Variants in EPHA6 observed in about 807,000 individuals in gnomAD.
The protein encoded by EPHA6 is ephrin type-A receptor 6.
Under a neutral mutation model 112.0 loss-of-function variants are expected in EPHA6, and 50 were observed. The ratio of observed to expected loss-of-function variants is 0.45; its 90% confidence interval spans 0.36 to 0.56. The LOEUF (loss-of-function observed/expected upper bound fraction) is 0.56, where lower values mean the gene tolerates loss of function less well. Ranked by LOEUF, EPHA6 falls within the 20% of genes least tolerant of loss-of-function variation. The pLI, the probability that EPHA6 is intolerant of heterozygous loss-of-function variation, is 0.00. For synonymous variants in EPHA6, 529 were observed against 490.7 expected, an observed-to-expected ratio of 1.08 and a Z score of -1.03; for missense variants, 1,280 against 1,417.4, an observed-to-expected ratio of 0.90 and a Z score of 1.56.
At chr3:97,397,454 A>G (rs1577235031) in intron 5 of EPHA6, among the ~76,000 whole-genome samples, 1 of 151,680 alleles carries the variant, frequency 6.6e-6, no homozygotes, top group African/African-American at 2.4e-5. Context: ...GCTTTCATAT[A>G]TGGAAGCCTC....
intron 2 of EPHA6, among the ~76,000 whole-genome samples, chr3:96,887,143 G>T (rs899890539): frequency 1.3e-5 from 2 of 151,974 alleles, no homozygotes; most frequent in African/African-American, 2.4e-5. Context: ...GATTTGGTTG[G>T]GGGGGCGAGG....
intron 15 of EPHA6, among the ~76,000 whole-genome samples, chr3:97,722,370 G>T (rs189039060): frequency 2.0e-5 from 3 of 152,330 alleles, no homozygotes; most frequent in African/African-American, 7.2e-5. Context: ...GGACTGTAAA[G>T]ATTATCTAGG....
At chr3:97,044,975 A>T (rs2045452107) in intron 3 of EPHA6, among the ~76,000 whole-genome samples, 6 of 152,098 alleles carry the variant, frequency 3.9e-5, no homozygotes, top group Admixed American at 3.9e-4. Context: ...CATATGGATA[A>T]ATTAGTAGAA....
At position 96,814,600 on chromosome 3, in the gene EPHA6, C is replaced by T. The variant is rs2032594719; in HGVS notation, c.-24C>T. The T allele has an allele frequency of 1.5e-6, 2 of 1,376,880 alleles. No homozygotes were observed. The highest frequency in any genetic ancestry group is 1.9e-6 in the Non-Finnish European group (2 of 1,062,610). 85.3% of individuals were successfully genotyped at this position (1,376,880 alleles called of 1,614,324 possible). On this transcript the variant is annotated 5_prime_UTR_variant, in exon 1 of 18. Coordinates refer to ENST00000389672, the MANE Select transcript of EPHA6 (RefSeq NM_001080448.3). The stretch of plus-strand genomic sequence containing the variant: ...CTCTCCGGCCCAAGTGAATAGTCCT[C>T]GCGCAAGCGGGACACTGTGGTGGAT...
chr3:97,265,141 A>C (rs1181375716), intron 5 of EPHA6, among the ~76,000 whole-genome samples: 1 of 152,108 alleles, frequency 6.6e-6, no homozygotes, highest in Non-Finnish European at 1.5e-5. Flanking sequence ...GAGGGAAGGA[A>C]GTGGGCACCA....
chr3:97,566,351 G>A (rs1013837594), intron 11 of EPHA6, among the ~76,000 whole-genome samples: 4 of 152,286 alleles, frequency 2.6e-5, no homozygotes, highest in South Asian at 2.1e-4. Flanking sequence ...ATTTTGGCAT[G>A]AGATTTGGAG....
At chr3:96,916,160 G>A (rs1342246614) in intron 2 of EPHA6, among the ~76,000 whole-genome samples, 2 of 152,036 alleles carry the variant, frequency 1.3e-5, no homozygotes, top group South Asian at 2.1e-4. Context: ...AGAATGTTGT[G>A]GAAATATTTG....
chr3:96,970,230 C>T (rs923997876), intron 2 of EPHA6, among the ~76,000 whole-genome samples: 4 of 149,232 alleles, frequency 2.7e-5, no homozygotes, highest in African/African-American at 1.0e-4. Flanking sequence ...CTCTTCTCTG[C>T]CTCTTCATAC....
At chr3:97,267,610 G>A (rs1440082282) in intron 5 of EPHA6, among the ~76,000 whole-genome samples, 1 of 152,014 alleles carries the variant, frequency 6.6e-6, no homozygotes, top group African/African-American at 2.4e-5. Context: ...TTTTAAATTT[G>A]AAGTTCACTT....
At chr3:97,099,289 T>C (rs1156794893) in intron 3 of EPHA6, among the ~76,000 whole-genome samples, 2 of 152,048 alleles carry the variant, frequency 1.3e-5, no homozygotes, top group East Asian at 3.9e-4. Context: ...CCTGTCAACT[T>C]TCTAATTTCT....
intron 14 of EPHA6, among the ~76,000 whole-genome samples, chr3:97,642,600 C>A (rs1461152750): frequency 7.2e-5 from 11 of 151,956 alleles, no homozygotes; most frequent in Non-Finnish European, 1.5e-4. Context: ...CTTAAAGGAG[C>A]TGATGGGGCT....
chr3:97,027,503 G>GA (rs1472657007), intron 3 of EPHA6, among the ~76,000 whole-genome samples: 1 of 151,942 alleles, frequency 6.6e-6, no homozygotes, highest in East Asian at 1.9e-4. Flanking sequence ...ACCTCCAAGG[G>GA]AAAAAAAGGA....
chr3:97,295,334 T>C (rs922996962), intron 5 of EPHA6, among the ~76,000 whole-genome samples: 24 of 150,782 alleles, frequency 1.6e-4, no homozygotes, highest in African/African-American at 5.6e-4. Context: ...TGAAATTCTT[T>C]CTTCTGCTTG....
At chr3:96,913,078 C>A (rs906243911) in intron 2 of EPHA6, among the ~76,000 whole-genome samples, 2 of 151,328 alleles carry the variant, frequency 1.3e-5, no homozygotes, top group African/African-American at 4.9e-5. Context: ...CCTGTAATCA[C>A]AGTACTTTGG....
intron 2 of EPHA6, among the ~76,000 whole-genome samples, chr3:96,896,295 A>G (rs2038266777): frequency 6.6e-6 from 1 of 151,974 alleles, no homozygotes; most frequent in Non-Finnish European, 1.5e-5. Context: ...TGCTTACTTT[A>G]TGTTTCTGAT....
chr3:97,386,404 A>T (rs2086071235), intron 5 of EPHA6, among the ~76,000 whole-genome samples: 1 of 152,202 alleles, frequency 6.6e-6, no homozygotes, highest in Non-Finnish European at 1.5e-5. Context: ...AAATTAGCCA[A>T]AACAAAGGGG....
chr3:97,025,820 C>T (rs995737652), intron 3 of EPHA6, among the ~76,000 whole-genome samples: 5 of 152,136 alleles, frequency 3.3e-5, no homozygotes, highest in Non-Finnish European at 7.4e-5. Flanking sequence ...ATCTCCCTGA[C>T]GTCATGATCT....
At chr3:97,227,345 T>C (rs1162767323) in intron 4 of EPHA6, among the ~76,000 whole-genome samples, 1 of 151,904 alleles carries the variant, frequency 6.6e-6, no homozygotes, top group East Asian at 1.9e-4. Flanking sequence ...CTCAGCTTCC[T>C]GAGTAGCTGG....
chr3:97,562,098 A>T (rs534485359), intron 11 of EPHA6, among the ~76,000 whole-genome samples: 1 of 152,274 alleles, frequency 6.6e-6, no homozygotes, highest in African/African-American at 2.4e-5. Context: ...TGATGGAGAC[A>T]TACAAGGAGA....
Sources: allele counts gnomAD v4.1 joint callset (sites outside exome capture counted in the v4.1 genomes callset), GRCh38; gene constraint gnomAD v4.1.1; transcripts MANE v1.5; gene names NCBI Gene and HGNC (gene_info 2026-07-23, HGNC 2026-07-21).